Variants in GABRB2 observed in about 807,000 individuals in gnomAD.
GABRB2 encodes gamma-aminobutyric acid type A receptor subunit beta2.
Under a neutral mutation model 54.7 loss-of-function variants are expected in GABRB2, and 16 were observed. The ratio of observed to expected loss-of-function variants is 0.29; its 90% CI spans 0.20 to 0.44. The LOEUF (loss-of-function observed/expected upper bound fraction) is 0.44, where lower values mean the gene tolerates loss of function less well. Among genes scored for constraint, GABRB2 ranks in the 20% least tolerant of loss-of-function variants. GABRB2 has a pLI of 1.00. For missense variants in GABRB2, 355 were observed against 644.0 expected (o/e 0.55, Z 4.86); for synonymous variants, 244 against 233.8 (o/e 1.04, Z -0.40).
chr5:161,307,458 A>C (rs751862643), intron 9 of GABRB2, among the ~76,000 whole-genome samples: 5 of 150,236 alleles, frequency 3.3e-5, no homozygotes, highest in African/African-American at 4.9e-5. Context: ...AGTGTAGATA[A>C]GACCATTTAT....
Position 161,530,486 on chromosome 5 carries a change from A to G in GABRB2, c.237+14741T>C, listed in dbSNP as rs529136273. Reference sequence around the variant, plus strand: ...AATGTACAATTATGATATTAAAACGATAGTTGATCTTTCTAAATAACCAGA... The same window carrying G: ...AATGTACAATTATGATATTAAAACGGTAGTTGATCTTTCTAAATAACCAGA... On this transcript the variant is annotated intron_variant, in intron 3 of 9. Coordinates refer to ENST00000393959, the MANE Select transcript of GABRB2 (RefSeq NM_001371727.1). 1.6e-4 allele frequency among the ~76,000 whole-genome samples: 25 copies of G among 152,192 alleles called. No individual in the cohort carries two copies. In the South Asian group the frequency reaches 4.8e-3, roughly 29 times the overall value.
At chr5:161,540,765 T>C (rs537843683) in intron 3 of GABRB2, among the ~76,000 whole-genome samples, 2 of 152,312 alleles carry the variant, frequency 1.3e-5, no homozygotes, top group East Asian at 3.9e-4. Context: ...TCAGAGCTCA[T>C]GTGTGACTAG....
intron 3 of GABRB2, among the ~76,000 whole-genome samples, chr5:161,484,928 T>C (rs1758872608): frequency 6.6e-6 from 1 of 152,006 alleles, no homozygotes; most frequent in Admixed American, 6.6e-5. Context: ...AACTTCTTAG[T>C]ATGGGTTATG....
chr5:161,337,250 TTC>T (rs1754021177), intron 5 of GABRB2, among the ~76,000 whole-genome samples: 1 of 152,150 alleles, frequency 6.6e-6, no homozygotes, highest in Non-Finnish European at 1.5e-5. Flanking sequence ...GATTATCAAA[TTC>T]TCCCCCAATA....
chr5:161,436,058 G>T (rs1757297890), intron 4 of GABRB2, among the ~76,000 whole-genome samples: 1 of 152,172 alleles, frequency 6.6e-6, no homozygotes, highest in Non-Finnish European at 1.5e-5. Context: ...GGGTCAAAGA[G>T]ACTTGGATCA....
intron 6 of GABRB2, among the ~76,000 whole-genome samples, chr5:161,335,830 A>G (rs1255776554): frequency 6.6e-6 from 1 of 152,194 alleles, no homozygotes; most frequent in Non-Finnish European, 1.5e-5. Flanking sequence ...TTATCAAGTC[A>G]CAGAGCTTTT....
chr5:161,334,672 G>A (rs1753940272), intron 7 of GABRB2, 80 bp downstream of exon 7: 1 of 1,463,178 alleles, frequency 6.8e-7, no homozygotes, highest in African/African-American at 1.4e-5. Context: ...ACAAATTTCA[G>A]GATAAGGAAA....
chr5:161,441,898 C>T (rs1054772353), intron 4 of GABRB2, among the ~76,000 whole-genome samples: 5 of 151,956 alleles, frequency 3.3e-5, no homozygotes, highest in African/African-American at 1.2e-4. Flanking sequence ...ATCCAAAAAT[C>T]AAAACAATTG....
intron 3 of GABRB2, among the ~76,000 whole-genome samples, chr5:161,534,579 C>T (rs1031754985): frequency 2.0e-5 from 3 of 152,108 alleles, no homozygotes; most frequent in Non-Finnish European, 4.4e-5. Context: ...CAGTCAGATG[C>T]TTACTTCACA....
At chr5:161,425,814 GTACCATCTTT>G (rs1756982339) in intron 4 of GABRB2, among the ~76,000 whole-genome samples, 1 of 152,062 alleles carries the variant, frequency 6.6e-6, no homozygotes, top group Non-Finnish European at 1.5e-5. Context: ...AAATAATGGG[GTACCATCTTT>G]CTCCTAGCAA....
At chr5:161,337,975 G>A (rs186046231) in intron 5 of GABRB2, among the ~76,000 whole-genome samples, 2 of 152,282 alleles carry the variant, frequency 1.3e-5, no homozygotes, top group East Asian at 1.9e-4. Flanking sequence ...TAAATTCTTT[G>A]CCTTTTGACA....
chr5:161,440,081 A>G (rs1282620699), intron 4 of GABRB2, among the ~76,000 whole-genome samples: 3 of 112,798 alleles, frequency 2.7e-5, no homozygotes, highest in Non-Finnish European at 5.8e-5. Flanking sequence ...AAAAAAAAAC[A>G]AAACACATAC....
At position 161,298,563 on chromosome 5, in the gene GABRB2, A is replaced by G. The variant is rs551666739; in HGVS notation, c.1192-4135T>C. On this transcript the variant is annotated intron_variant, in intron 9 of 9. Transcript: ENST00000393959. ...CACTTCACCTCTTTGTGAGTCATCA[A>G]TAAGATGGGTTTAACTTTGCAACAC... 1.3e-5 allele frequency among the ~76,000 whole-genome samples: 2 copies of G among 152,228 alleles called. 1 individual carries two copies. Among genetic ancestry groups the G allele is most frequent in the African/African-American group, 4.8e-5 (2 of 41,464 alleles).
intron 4 of GABRB2, among the ~76,000 whole-genome samples, chr5:161,438,943 T>C (rs142322587): frequency 6.6e-6 from 1 of 152,260 alleles, no homozygotes; most frequent in African/African-American, 2.4e-5. Context: ...TAAGAGTTAT[T>C]GGCCTTAAAG....
intron 4 of GABRB2, among the ~76,000 whole-genome samples, chr5:161,434,828 C>T (rs1275390296): frequency 6.6e-6 from 1 of 152,158 alleles, no homozygotes; most frequent in African/African-American, 2.4e-5. Flanking sequence ...ACAAATGAGG[C>T]CACAGTGGCC....
intron 3 of GABRB2, among the ~76,000 whole-genome samples, chr5:161,517,118 A>G (rs1759973026): frequency 6.6e-6 from 1 of 152,164 alleles, no homozygotes; most frequent in African/African-American, 2.4e-5. Flanking sequence ...AAGTGACACA[A>G]TGAAGGTTAT....
chr5:161,463,329 A>C (rs1372010633), intron 3 of GABRB2, among the ~76,000 whole-genome samples: 2 of 150,026 alleles, frequency 1.3e-5, no homozygotes, highest in African/African-American at 4.9e-5. Flanking sequence ...ACACACACAC[A>C]CACACACACA....
chr5:161,367,529 A>C (rs1755005583), intron 5 of GABRB2, among the ~76,000 whole-genome samples: 1 of 152,198 alleles, frequency 6.6e-6, no homozygotes, highest in Non-Finnish European at 1.5e-5. Context: ...AGAGACTAAG[A>C]ATTATCATCT....
At chr5:161,388,409 T>C (rs1463462089) in intron 5 of GABRB2, among the ~76,000 whole-genome samples, 1 of 152,080 alleles carries the variant, frequency 6.6e-6, no homozygotes, top group Non-Finnish European at 1.5e-5. Flanking sequence ...TATCGAAATT[T>C]TTCAAACTGA....
Sources: gnomAD v4.1 joint callset for allele counts (sites outside exome capture counted in the v4.1 genomes callset) on GRCh38, gnomAD v4.1.1 for gene constraint, MANE v1.5 for transcripts, NCBI Gene and HGNC (gene_info 2026-07-23, HGNC 2026-07-21) for gene names.